The following MSRB2 variants were observed in gnomAD, a reference collection of about 807,000 sequenced individuals.
MSRB2 encodes the protein methionine sulfoxide reductase B2, also known as methionine-R-sulfoxide reductase B2, mitochondrial.
A neutral mutation model predicts 19.0 loss-of-function variants in MSRB2; 17 were observed. The observed-to-expected ratio is 0.89, with a 90% CI of 0.61 to 1.34. The LOEUF (loss-of-function observed/expected upper bound fraction) is 1.34. Among genes scored for constraint, MSRB2 ranks in the 40% most tolerant of loss-of-function variants. MSRB2 has a pLI of 0.00. For missense variants in MSRB2, 208 were observed against 237.6 expected (o/e 0.88, Z 0.82); for synonymous variants, 107 against 99.7 (o/e 1.07, Z -0.44).
intron 3 of MSRB2, among the ~76,000 whole-genome samples, chr10:23,111,742 A>G (rs1339580636): frequency 6.6e-6 from 1 of 152,196 alleles, no homozygotes; most frequent in Non-Finnish European, 1.5e-5. Context: ...AAGCTTGTTA[A>G]GCACTCAAGG....
At position 23,095,637 on chromosome 10, in the gene MSRB2, G is replaced by T; in HGVS notation, c.29G>T (p.Gly10Val). ...GCGCGGCTCCTCTGGTTGCTCCGGG[G>T]CCTGACCCTCGGAACTGCGCCTCGG... MARLLWLLR[G>V]LTLGTAPRRA... The change falls in exon 1 of 5, where the codon GGC (glycine) becomes GTC (valine). Residue 10 changes from glycine to valine, a missense_variant. Gly to Val is a moderately radical substitution (Grantham distance 109). Transcript: ENST00000376510. The T allele has an allele frequency of 2.7e-6, 4 of 1,462,946 alleles. No homozygotes were observed. Among genetic ancestry groups the T allele is most frequent in the Non-Finnish European group, 3.6e-6 (4 of 1,113,674 alleles). 90.6% of individuals were successfully genotyped at this position (1,462,946 alleles called of 1,614,324 possible). A position where few individuals can be genotyped will look rare whatever the true frequency, so the allele number is the denominator to read the frequency against.
At position 23,110,242 on chromosome 10, in the gene MSRB2, C is replaced by G. The variant is rs1300746366; in HGVS notation, c.220C>G (p.Pro74Ala). Residue 74 changes from proline (P) to alanine (A), a missense_variant and splice_region_variant, in exon 3 of 5, where the codon CCT becomes GCT. Coordinates refer to ENST00000376510, the MANE Select transcript of MSRB2 (RefSeq NM_012228.4). ...CATGACATATCTAATTTACTTTCAGCCTTTCAGTGGGATCTACCTGAATAA... is the reference window on the plus strand; with the variant it reads ...CATGACATATCTAATTTACTTTCAGGCTTTCAGTGGGATCTACCTGAATAA... ...YVTREKGTEP[P>A]FSGIYLNNKE... The G allele has an allele frequency of 1.2e-6, 2 of 1,612,152 alleles. No individual in the cohort carries two copies. Among genetic ancestry groups the G allele is most frequent in the Non-Finnish European group, 1.7e-6 (2 of 1,178,550 alleles).
chr10:23,120,758 TG>T lies in MSRB2; in HGVS notation c.446del (p.Cys149LeufsTer5). ...SARTEVVCKQ[C>X]EAHLGHVFPD... Reference sequence around the variant, plus strand: ...TGACAGAGGCTTCTGTCCTTTGCAGTGTGAAGCTCATCTAGGTCACGTGTTT... The same window carrying T: ...TGACAGAGGCTTCTGTCCTTTGCAGTTGAAGCTCATCTAGGTCACGTGTTT... On this transcript the variant is annotated frameshift_variant and splice_region_variant, in exon 5 of 5. Coordinates refer to ENST00000376510, the MANE Select transcript of MSRB2 (RefSeq NM_012228.4). LOFTEE classifies it high-confidence loss of function. 1 of 1,612,454 alleles carries T rather than the reference TG, an allele frequency of 6.2e-7. No homozygotes were observed. Among genetic ancestry groups the T allele is most frequent in the Non-Finnish European group, 8.5e-7 (1 of 1,178,668 alleles).
chr10:23,100,947 T>C (rs1839920218), intron 1 of MSRB2, among the ~76,000 whole-genome samples: 1 of 152,204 alleles, frequency 6.6e-6, no homozygotes, highest in South Asian at 2.1e-4. Context: ...AGGGGAGACG[T>C]AGTAGATAGA....
Position 23,119,438 on chromosome 10 carries a change from T to A in MSRB2, c.431T>A (p.Val144Asp), listed in dbSNP as rs1260006890. The A allele has an allele frequency of 6.2e-7, 1 of 1,612,960 alleles. No individual in the cohort carries two copies. Among genetic ancestry groups the A allele is most frequent in the Non-Finnish European group, 8.5e-7 (1 of 1,179,386 alleles). Reference sequence around the variant, plus strand: ...TCGTTAGGATCAGCTCGCACAGAGGTTGTCTGCAAGCAGGTGAGGTTTCTC... The same window carrying A: ...TCGTTAGGATCAGCTCGCACAGAGGATGTCTGCAAGCAGGTGAGGTTTCTC... Reference protein sequence around the residue: ...DTSLGSARTEVVCKQCEAHLG... With the variant: ...DTSLGSARTEDVCKQCEAHLG... Residue 144 changes from valine (V) to aspartate (D), a missense_variant, in exon 4 of 5, where the codon GTT (valine) becomes GAT (aspartate). Physicochemically the swap from Val to Asp is radical, Grantham distance 152 (BLOSUM62 -3). Coordinates refer to ENST00000376510, the MANE Select transcript of MSRB2 (RefSeq NM_012228.4).
chr10:23,112,671 C>T (rs1276993296), intron 3 of MSRB2, among the ~76,000 whole-genome samples: 1 of 152,244 alleles, frequency 6.6e-6, no homozygotes, highest in African/African-American at 2.4e-5. Flanking sequence ...TCACTGCAAC[C>T]TCTGCCTTCC....
chr10:23,102,164 G>A lies in MSRB2; in HGVS notation c.119-1980G>A, dbSNP rs953356042. Among the ~76,000 whole-genome samples the A allele has an allele frequency of 3.9e-5, 6 of 152,014 alleles. No individual in the cohort carries two copies. The East Asian group carries it at 9.6e-4, about 24-fold the overall frequency. On this transcript the variant is annotated intron_variant, in intron 1 of 4. Transcript: ENST00000376510. ...AACACTGAGACACACACGCGCAAAC[G>A]TACACTCACACACTCACACTTACTT...
chr10:23,101,449 G>A (rs1452796124), intron 1 of MSRB2, among the ~76,000 whole-genome samples: 1 of 152,108 alleles, frequency 6.6e-6, no homozygotes, highest in African/African-American at 2.4e-5. Flanking sequence ...TTTTGCAATT[G>A]CAAATTGTGC....
intron 3 of MSRB2, among the ~76,000 whole-genome samples, chr10:23,113,721 C>T (rs1399637103): frequency 1.3e-5 from 2 of 152,074 alleles, no homozygotes; most frequent in African/African-American, 4.8e-5. Flanking sequence ...TCACTGCTGT[C>T]CTTATAAGAA....
chr10:23,104,319 T>G, intron 2 of MSRB2, 75 bp downstream of exon 2: 1 of 1,232,458 alleles, frequency 8.1e-7, no homozygotes, highest in Non-Finnish European at 1.1e-6. Flanking sequence ...GGTCCAGCTA[T>G]GAAACCCAGC....
At chr10:23,101,007 G>T (rs901837326) in intron 1 of MSRB2, among the ~76,000 whole-genome samples, 3 of 152,126 alleles carry the variant, frequency 2.0e-5, no homozygotes, top group African/African-American at 7.2e-5. Context: ...GTTTTGTTTT[G>T]TTTTGTTTAA....
At chr10:23,118,543 A>G (rs1484226167) in intron 3 of MSRB2, among the ~76,000 whole-genome samples, 1 of 151,976 alleles carries the variant, frequency 6.6e-6, no homozygotes, top group Non-Finnish European at 1.5e-5. Flanking sequence ...CAGCATCATG[A>G]GTCCCTGGGA....
At position 23,096,540 on chromosome 10, in the gene MSRB2, T is replaced by C. The variant is rs373858667; in HGVS notation, c.118+814T>C. Among the ~76,000 whole-genome samples the C allele has an allele frequency of 2.6e-5, 4 of 152,274 alleles. No individual in the cohort carries two copies. The South Asian group carries it at 8.3e-4, about 32-fold the overall frequency. ...TTGGCTTCCTGGGCGGTTGCCAGAC[T>C]GACCCACTCTGAATCCAATTTTATA... On this transcript the variant is annotated intron_variant, in intron 1 of 4. Coordinates refer to ENST00000376510, the MANE Select transcript of MSRB2 (RefSeq NM_012228.4).
rs965307741 is a variant in MSRB2, at chr10:23,097,650, G to A, written c.118+1924G>A. Among the ~76,000 whole-genome samples, 21 of 152,170 alleles carry A rather than the reference G, an allele frequency of 1.4e-4. 1 individual carries two copies. Among genetic ancestry groups the A allele is most frequent in the Admixed American group, 5.2e-4 (8 of 15,286 alleles). ...CATATAATATTCAGTTTGTAACAAT[G>A]TCTTTGGACATGTTTCTTGAATTTG... On this transcript the variant is annotated intron_variant, in intron 1 of 4. Coordinates refer to ENST00000376510, the MANE Select transcript of MSRB2 (RefSeq NM_012228.4).
At chr10:23,104,632 C>G (rs1218987397) in intron 2 of MSRB2, among the ~76,000 whole-genome samples, 1 of 152,092 alleles carries the variant, frequency 6.6e-6, no homozygotes, top group Non-Finnish European at 1.5e-5. Flanking sequence ...AGCTCAAAAC[C>G]TTTGGTGGCT....
intron 1 of MSRB2, among the ~76,000 whole-genome samples, chr10:23,100,118 A>G (rs954095983): frequency 6.6e-6 from 1 of 152,194 alleles, no homozygotes; most frequent in Non-Finnish European, 1.5e-5. Context: ...CCTCTTACCT[A>G]TCTACAGGAA....
Position 23,120,893 on chromosome 10 carries a change from C to T in MSRB2, c.*31C>T, listed in dbSNP as rs754022620. On this transcript the variant is annotated 3_prime_UTR_variant, in exon 5 of 5. Transcript: ENST00000376510. Reference sequence around the variant, plus strand: ...TTCAAGAGTCCCGTTCCCTTGCCACCCCTTCACGTGCACCCTCAATTTCCA... The same window carrying T: ...TTCAAGAGTCCCGTTCCCTTGCCACTCCTTCACGTGCACCCTCAATTTCCA... 21 of 1,510,962 alleles carry T rather than the reference C, an allele frequency of 1.4e-5. 1 individual carries two copies. The Admixed American group carries it at 3.3e-4, about 23-fold the overall frequency. 93.6% of individuals were successfully genotyped at this position (1,510,962 alleles called of 1,614,324 possible). A position where few individuals can be genotyped will look rare whatever the true frequency, so the allele number is the denominator to read the frequency against.
Position 23,119,337 on chromosome 10 carries a change from G to A in MSRB2, c.330G>A (p.Trp110Ter), listed in dbSNP as rs1033214738. The change falls in exon 4 of 5, where the codon TGG (tryptophan) becomes TGA (stop). Residue 110 changes from tryptophan (W) to a stop codon, truncating the protein, a stop_gained. Coordinates refer to ENST00000376510, the MANE Select transcript of MSRB2 (RefSeq NM_012228.4). LOFTEE classifies it high-confidence loss of function. ...AAAAGTACTGCTCTGGCACTGGGTG[G>A]CCTTCGTTTTCCGAGGCTCATGGTA... ...SEKKYCSGTGWPSFSEAHGTS... is the reference protein window; with the variant it reads ...SEKKYCSGTG 6.2e-7 allele frequency: 1 copy of A among 1,613,982 alleles called. No individual in the cohort carries two copies. Among genetic ancestry groups the A allele is most frequent in the African/African-American group, 1.3e-5 (1 of 74,890 alleles).
intron 3 of MSRB2, among the ~76,000 whole-genome samples, chr10:23,111,398 A>G (rs1198777389): frequency 6.6e-6 from 1 of 152,194 alleles, no homozygotes; most frequent in African/African-American, 2.4e-5. Context: ...CCATAGAACC[A>G]TGCTGCCAGC....
Sources: allele counts gnomAD v4.1 joint callset (sites outside exome capture counted in the v4.1 genomes callset), GRCh38; gene constraint gnomAD v4.1.1; transcripts MANE v1.5; gene names NCBI Gene and HGNC (gene_info 2026-07-23, HGNC 2026-07-21).